The following ARHGAP20 variants were observed in gnomAD, a reference collection of about 807,000 sequenced individuals.
ARHGAP20 encodes the protein rho GTPase-activating protein 20.
ARHGAP20 carries 34 observed loss-of-function variants against 73.7 expected under a neutral mutation model. That is an observed-to-expected ratio of 0.46 (90% CI 0.35 to 0.61). The LOEUF (loss-of-function observed/expected upper bound fraction) is 0.61, where lower values mean the gene tolerates loss of function less well. Among genes scored for constraint, ARHGAP20 ranks in the 20% least tolerant of loss-of-function variants. ARHGAP20 has a pLI of 0.00. For missense variants in ARHGAP20, 1,314 were observed against 1,420.9 expected (o/e 0.92, Z 1.21); for synonymous variants, 523 against 518.2 (o/e 1.01, Z -0.13).
Position 110,606,728 on chromosome 11 carries a change from A to T in ARHGAP20, c.797T>A (p.Ile266Asn), listed in dbSNP as rs1324097680. Residue 266 changes from isoleucine to asparagine, a missense_variant, in exon 9 of 15, where the codon ATT (isoleucine) becomes AAT (asparagine). Around this residue, in one of 3 missense-constraint regions of ARHGAP20, gnomAD observed 443 missense variants for 466.4 expected, o/e 0.95. Coordinates refer to ENST00000683387, the MANE Select transcript of ARHGAP20 (RefSeq NM_001384657.1). ...PLIGHEYPYG[I>N]KMSHLRDSAL... ...AGAGTCTCGAAGATGGCTCATTTTA[A>T]TTCCATATGGATATTCATGCCCTAC... The T allele has an allele frequency of 6.4e-7, 1 of 1,567,944 alleles. No homozygotes were observed. The highest frequency in any genetic ancestry group is 8.6e-7 in the Non-Finnish European group (1 of 1,160,704).
At chr11:110,642,016 C>G (rs759691700) in intron 2 of ARHGAP20, among the ~76,000 whole-genome samples, 13 of 152,050 alleles carry the variant, frequency 8.5e-5, no homozygotes, top group Non-Finnish European at 1.9e-4. Context: ...GGAACTCCAA[C>G]AGTTTGAGTT....
intron 2 of ARHGAP20, among the ~76,000 whole-genome samples, chr11:110,668,913 A>T (rs949966007): frequency 1.3e-5 from 2 of 152,226 alleles, no homozygotes; most frequent in African/African-American, 2.4e-5. Flanking sequence ...ACAACTGAAT[A>T]GCCATGCACA....
chr11:110,688,649 A>C (rs1175774759), intron 2 of ARHGAP20, among the ~76,000 whole-genome samples: 1 of 152,238 alleles, frequency 6.6e-6, no homozygotes, highest in Non-Finnish European at 1.5e-5. Context: ...ACCAGTGTTA[A>C]ACTGTGAAGA....
At chr11:110,611,032 A>G (rs4142634) in intron 7 of ARHGAP20, among the ~76,000 whole-genome samples, 12,896 of 152,166 alleles carry the variant, frequency 0.085, 619 homozygotes, top group African/African-American at 0.11. Flanking sequence ...TTTTGTATAT[A>G]TATACAGCAT....
intron 1 of ARHGAP20, chr11:110,711,583 C>G: frequency 2.0e-6 from 3 of 1,471,858 alleles, no homozygotes; most frequent in Admixed American, 4.6e-5. Context: ...CCCCCGAAAA[C>G]TGCTATGGAG....
At chr11:110,656,485 T>C (rs1394188075) in intron 2 of ARHGAP20, among the ~76,000 whole-genome samples, 2 of 152,150 alleles carry the variant, frequency 1.3e-5, no homozygotes, top group Non-Finnish European at 2.9e-5. Flanking sequence ...ATATGGCCTT[T>C]ATTTCTACTT....
In ARHGAP20 at chr11:110,579,251, A is replaced by T; in HGVS notation, c.*119T>A. On this transcript the variant is annotated 3_prime_UTR_variant, in exon 15 of 15. Coordinates refer to ENST00000683387, the MANE Select transcript of ARHGAP20 (RefSeq NM_001384657.1). Reference sequence around the variant, plus strand: ...GAATTATTTCGTTGTCCTAAGTATTAGCAATGATAATCCTTATGCTACCTC... The same window carrying T: ...GAATTATTTCGTTGTCCTAAGTATTTGCAATGATAATCCTTATGCTACCTC... 7.0e-7 allele frequency: 1 copy of T among 1,432,298 alleles called. No individual in the cohort carries two copies. 88.7% of individuals were successfully genotyped at this position (1,432,298 alleles called of 1,614,324 possible). A position where few individuals can be genotyped will look rare whatever the true frequency, so the allele number is the denominator to read the frequency against.
intron 7 of ARHGAP20, among the ~76,000 whole-genome samples, chr11:110,610,535 T>G (rs1948342380): frequency 6.6e-6 from 1 of 152,160 alleles, no homozygotes; most frequent in African/African-American, 2.4e-5. Flanking sequence ...CTTTTGAAAG[T>G]CATTCCCTTT....
At chr11:110,641,201 A>G (rs796455094) in intron 2 of ARHGAP20, among the ~76,000 whole-genome samples, 3 of 152,192 alleles carry the variant, frequency 2.0e-5, no homozygotes, top group African/African-American at 7.2e-5. Context: ...CATAAACGTT[A>G]AGTAAGTAAA....
chr11:110,672,112 AAGAT>A (rs1949839980), intron 2 of ARHGAP20, among the ~76,000 whole-genome samples: 1 of 152,196 alleles, frequency 6.6e-6, no homozygotes, highest in Non-Finnish European at 1.5e-5. Flanking sequence ...AAATGTTTCT[AAGAT>A]AGGACACAAA....
At chr11:110,585,438 C>G (rs1591295643) in intron 12 of ARHGAP20, among the ~76,000 whole-genome samples, 1 of 150,554 alleles carries the variant, frequency 6.6e-6, no homozygotes, top group Non-Finnish European at 1.5e-5. Context: ...AGCAGCTGTA[C>G]TATGTTCTAC....
At chr11:110,686,965 T>C (rs1320298038) in intron 2 of ARHGAP20, among the ~76,000 whole-genome samples, 1 of 151,164 alleles carries the variant, frequency 6.6e-6, no homozygotes, top group Non-Finnish European at 1.5e-5. Context: ...GTGAAGGTCC[T>C]GTTCCCTAGC....
chr11:110,580,435 C>T lies in ARHGAP20; in HGVS notation c.2511G>A (p.Lys837=). 6.2e-7 allele frequency: 1 copy of T among 1,613,262 alleles called. No individual in the cohort carries two copies. The highest frequency in any genetic ancestry group is 8.5e-7 in the Non-Finnish European group (1 of 1,179,726). The part of the protein sequence containing the change: ...YSPPHTADAL[K]GPRTHRRCSE... ...AGCAGCGCCGATGTGTCCTTGGACC[C>T]TTGAGGGCATCTGCTGTGTGTGGTG... The change falls in exon 15 of 15, where the codon AAG becomes AAA. Residue 837 remains lysine, a synonymous_variant. Coordinates refer to ENST00000683387, the MANE Select transcript of ARHGAP20 (RefSeq NM_001384657.1).
At chr11:110,700,654 A>G (rs1950427738) in intron 1 of ARHGAP20, among the ~76,000 whole-genome samples, 1 of 151,510 alleles carries the variant, frequency 6.6e-6, no homozygotes, top group Non-Finnish European at 1.5e-5. Context: ...TTAGTTACAT[A>G]TGTATACATG....
intron 11 of ARHGAP20, among the ~76,000 whole-genome samples, chr11:110,586,712 A>T (rs1947677699): frequency 6.6e-6 from 1 of 152,198 alleles, no homozygotes; most frequent in African/African-American, 2.4e-5. Flanking sequence ...TATGAGGTTC[A>T]TTGTCTGGTA....
chr11:110,577,554 C>T lies in ARHGAP20; in HGVS notation c.*1816G>A. ...ATTCACATCTTGCAGTTCTGACTGA[C>T]AGTAGTATGCCCTAAGGGAAAGGGG... On this transcript the variant is annotated 3_prime_UTR_variant, in exon 15 of 15. Coordinates refer to ENST00000683387, the MANE Select transcript of ARHGAP20 (RefSeq NM_001384657.1). The T allele has an allele frequency of 1.0e-6, 1 of 990,238 alleles. No homozygotes were observed. Among genetic ancestry groups the T allele is most frequent in the African/African-American group, 1.7e-5 (1 of 57,250 alleles). 61.3% of individuals were successfully genotyped at this position (990,238 alleles called of 1,614,324 possible). A position where few individuals can be genotyped will look rare whatever the true frequency, so the allele number is the denominator to read the frequency against.
At chr11:110,668,729 A>G (rs1949771805) in intron 2 of ARHGAP20, among the ~76,000 whole-genome samples, 1 of 152,236 alleles carries the variant, frequency 6.6e-6, no homozygotes, top group Non-Finnish European at 1.5e-5. Flanking sequence ...TATAATTTAT[A>G]CATAACTTTT....
intron 2 of ARHGAP20, among the ~76,000 whole-genome samples, chr11:110,675,144 T>C (rs970486309): frequency 6.6e-6 from 1 of 152,212 alleles, no homozygotes; most frequent in Non-Finnish European, 1.5e-5. Context: ...GTCTTCTAAA[T>C]GGTCTACCTG....
At chr11:110,630,882 T>C (rs1948847024) in intron 2 of ARHGAP20, 90 bp from the exon 3 acceptor site, 4 of 1,327,126 alleles carry the variant, frequency 3.0e-6, no homozygotes, top group East Asian at 2.3e-5. Context: ...TTTAATACAA[T>C]GGTATAGCAT....
Sources: gnomAD v4.1 joint callset for allele counts (sites outside exome capture counted in the v4.1 genomes callset) on GRCh38, gnomAD v4.1.1 for gene constraint, gnomAD v4.1.1 regional missense constraint, MANE v1.5 for transcripts, NCBI Gene and HGNC (gene_info 2026-07-23, HGNC 2026-07-21) for gene names.